The following GPD1L variants were observed in gnomAD, a reference collection of about 807,000 sequenced individuals.
GPD1L encodes the protein glycerol-3-phosphate dehydrogenase 1-like protein.
GPD1L carries 17 observed loss-of-function variants against 32.9 expected under a neutral mutation model. That is an observed-to-expected ratio of 0.52 (90% confidence interval 0.35 to 0.78). The LOEUF (loss-of-function observed/expected upper bound fraction) is 0.78, where lower values mean the gene tolerates loss of function less well. GPD1L is among the 30% of genes least tolerant of loss of function. The pLI is 0.01. For synonymous variants in GPD1L, 187 were observed against 165.9 expected (o/e 1.13, Z -0.98); for missense variants, 361 against 447.8 (o/e 0.81, Z 1.75).
intron 3 of GPD1L, 85 bp from the exon 4 acceptor site, chr3:32,140,143 A>G (rs1700719757): frequency 1.4e-6 from 2 of 1,392,708 alleles, no homozygotes; most frequent in African/African-American, 1.4e-5. Flanking sequence ...ACATTTTTCA[A>G]GTTGTGTAGC....
rs1253724980 is a variant in GPD1L, at chr3:32,121,547, C to CTA, written c.48-6519_48-6518dup. Among the ~76,000 whole-genome samples the CTA allele has an allele frequency of 1.7e-4, 11 of 63,006 alleles. 1 individual carries two copies. The highest frequency in any genetic ancestry group is 3.8e-4 in the African/African-American group (3 of 7,862). The allele number at this position is 63,006 out of a possible 152,430, so 41.3% of individuals were successfully genotyped here. A position where few individuals can be genotyped will look rare whatever the true frequency, so the allele number is the denominator to read the frequency against. On this transcript the variant is annotated intron_variant, in intron 1 of 7. Coordinates refer to ENST00000282541, the MANE Select transcript of GPD1L (RefSeq NM_015141.4). Reference sequence around the variant, plus strand: ...TATATATATTTCTATGTATATATTTCTATATATATATTTCTATGTATATAT... The same window carrying CTA: ...TATATATATTTCTATGTATATATTTCTATATATATATATTTCTATGTATATAT...
intron 1 of GPD1L, among the ~76,000 whole-genome samples, chr3:32,126,661 A>G (rs1700512332): frequency 6.6e-6 from 1 of 152,240 alleles, no homozygotes; most frequent in African/African-American, 2.4e-5. Flanking sequence ...TCCTGCTGGC[A>G]TAGAATAAGA....
rs780760018 is a variant in GPD1L at position 32,165,889 on chromosome 3, G to T, written c.1035G>T (p.Gln345His). The T allele has an allele frequency of 1.4e-4, 222 of 1,589,674 alleles. 3 individuals are homozygous for T. In the South Asian group the frequency reaches 2.4e-3, roughly 17 times the overall value. ...TTCAAGAGATGTTGTCTTGTCTTCA[G>T]AGCCATCCAGAGCATACATAAAGTG... Reference protein sequence around the residue: ...RPVQEMLSCLQSHPEHT With the variant: ...RPVQEMLSCLHSHPEHT The change falls in exon 8 of 8, where the codon CAG (glutamine) becomes CAT (histidine). Residue 345 changes from glutamine (Q) to histidine (H), a missense_variant. Transcript: ENST00000282541.
chr3:32,142,175 G>A (rs4955242), intron 4 of GPD1L, among the ~76,000 whole-genome samples: 1 of 151,410 alleles, frequency 6.6e-6, no homozygotes, highest in Non-Finnish European at 1.5e-5. Flanking sequence ...CTTGAGCGCA[G>A]TGGTGCTATC....
chr3:32,149,451 T>A (rs1700879335), intron 5 of GPD1L, among the ~76,000 whole-genome samples: 1 of 152,170 alleles, frequency 6.6e-6, no homozygotes, highest in Admixed American at 6.5e-5. Context: ...TTTTTTGTAC[T>A]CAAAAATGTG....
Position 32,106,908 on chromosome 3 carries a change from C to T in GPD1L, c.47+150C>T, listed in dbSNP as rs2125464436. 1 of 644,894 alleles carries T rather than the reference C, an allele frequency of 1.6e-6. No individual in the cohort carries two copies. Among genetic ancestry groups the T allele is most frequent in the South Asian group, 6.1e-5 (1 of 16,476 alleles). 39.9% of individuals were successfully genotyped at this position (644,894 alleles called of 1,614,324 possible). Reference sequence around the variant, plus strand: ...GCGACCTCGTTGCTGGGCTGGGCACCGTGCGCCCGAGGAGGCCGCACCGGG... The same window carrying T: ...GCGACCTCGTTGCTGGGCTGGGCACTGTGCGCCCGAGGAGGCCGCACCGGG... On this transcript the variant is annotated intron_variant, in intron 1 of 7. Coordinates refer to ENST00000282541, the MANE Select transcript of GPD1L (RefSeq NM_015141.4). This position sits in a 1 kb window ranked among gnomAD's most constrained non-coding sequence, Gnocchi z 4.0.
chr3:32,147,396 G>A (rs1700846343), intron 5 of GPD1L, among the ~76,000 whole-genome samples: 1 of 152,196 alleles, frequency 6.6e-6, no homozygotes, highest in African/African-American at 2.4e-5. Context: ...AAAATCATAA[G>A]TATGTAGTTT....
At chr3:32,163,525 CTTTA>C (rs1701103007) in intron 7 of GPD1L, among the ~76,000 whole-genome samples, 2 of 152,230 alleles carry the variant, frequency 1.3e-5, no homozygotes, top group East Asian at 3.9e-4. Context: ...TCACCTCTAA[CTTTA>C]TTTAGAGAGT....
chr3:32,110,702 G>T (rs981984604), intron 1 of GPD1L, among the ~76,000 whole-genome samples: 1 of 152,200 alleles, frequency 6.6e-6, no homozygotes, highest in Non-Finnish European at 1.5e-5. Context: ...CTAGAGGAGG[G>T]GCCGTCATGC....
intron 1 of GPD1L, among the ~76,000 whole-genome samples, chr3:32,127,676 C>G (rs1475490144): frequency 6.6e-6 from 1 of 152,202 alleles, no homozygotes; most frequent in Non-Finnish European, 1.5e-5. Context: ...CTTTGTGATT[C>G]TGCTTTGCAC....
At chr3:32,121,479 A>G (rs1450350255) in intron 1 of GPD1L, among the ~76,000 whole-genome samples, 1 of 139,232 alleles carries the variant, frequency 7.2e-6, no homozygotes, top group Non-Finnish European at 1.5e-5. Context: ...CTCTCTATAT[A>G]TATTTCTCTC....
intron 1 of GPD1L, among the ~76,000 whole-genome samples, chr3:32,111,631 G>A (rs906856717): frequency 3.9e-5 from 6 of 152,148 alleles, no homozygotes; most frequent in African/African-American, 1.4e-4. Flanking sequence ...GCAGAGGATA[G>A]GAGAGAAGAC....
intron 1 of GPD1L, among the ~76,000 whole-genome samples, chr3:32,107,368 T>C: frequency 6.6e-6 from 1 of 152,202 alleles, no homozygotes; most frequent in East Asian, 1.9e-4. Context: ...GCCGAGATGT[T>C]TGCGAAGCTT....
intron 2 of GPD1L, among the ~76,000 whole-genome samples, chr3:32,137,791 T>G (rs772044412): frequency 2.6e-5 from 4 of 152,092 alleles, no homozygotes; most frequent in Admixed American, 6.6e-5. Flanking sequence ...ATGTGTTGAG[T>G]GTATATCAAG....
intron 2 of GPD1L, among the ~76,000 whole-genome samples, chr3:32,129,436 C>CTTTTTTT (rs1700556640): frequency 6.6e-6 from 1 of 152,182 alleles, no homozygotes; most frequent in African/African-American, 2.4e-5. Context: ...CTAAGCAATA[C>CTTTTTTT]ATTTAGTCTC....
intron 7 of GPD1L, among the ~76,000 whole-genome samples, chr3:32,162,199 C>G (rs1360385069): frequency 6.6e-6 from 1 of 152,158 alleles, no homozygotes; most frequent in Admixed American, 6.5e-5. Context: ...TCCCTACCAG[C>G]TTGAGCATTC....
chr3:32,162,401 C>T lies in GPD1L; in HGVS notation c.959+2727C>T, dbSNP rs970665668. Among the ~76,000 whole-genome samples the T allele has an allele frequency of 1.2e-4, 7 of 57,222 alleles. 2 individuals carry two copies. In the South Asian group the frequency reaches 2.5e-3, roughly 21 times the overall value. The allele number at this position is 57,222 out of a possible 152,430, so 37.5% of individuals were successfully genotyped here. On this transcript the variant is annotated intron_variant, in intron 7 of 7. Transcript: ENST00000282541. Reference sequence around the variant, plus strand: ...TTACCTTTTCTTTTTTTTTTTGAGACGGAGTCTCGCTCTGTCGCCCAGGCC... The same window carrying T: ...TTACCTTTTCTTTTTTTTTTTGAGATGGAGTCTCGCTCTGTCGCCCAGGCC...
chr3:32,151,114 G>A, intron 5 of GPD1L: 1 of 478,150 alleles, frequency 2.1e-6, no homozygotes, highest in South Asian at 1.9e-5. Flanking sequence ...ATAAGTCCCA[G>A]CAGCTCAGGC....
At chr3:32,143,386 C>T in intron 4 of GPD1L, among the ~76,000 whole-genome samples, 1 of 152,116 alleles carries the variant, frequency 6.6e-6, no homozygotes, top group East Asian at 1.9e-4. Flanking sequence ...CCACTGTGCC[C>T]AGCCTATAAC....
Sources: gnomAD v4.1 joint callset for allele counts (sites outside exome capture counted in the v4.1 genomes callset) on GRCh38, gnomAD v4.1.1 for gene constraint, Gnocchi (gnomAD v3.1) non-coding constraint, MANE v1.5 for transcripts, NCBI Gene and HGNC (gene_info 2026-07-23, HGNC 2026-07-21) for gene names.